AHR: variants seen among roughly 807,000 people sequenced by gnomAD.
AHR encodes the protein AH-receptor.
Under a neutral mutation model 86.8 loss-of-function variants are expected in AHR, and 40 were observed. The ratio of observed to expected loss-of-function variants is 0.46; its 90% CI spans 0.36 to 0.60. The LOEUF (loss-of-function observed/expected upper bound fraction) is 0.60, where lower values mean the gene tolerates loss of function less well. Ranked by LOEUF, AHR falls within the 20% of genes least tolerant of loss-of-function variation. The pLI is 0.00. For synonymous variants in AHR, 398 were observed against 354.9 expected (o/e 1.12, Z -1.37); for missense variants, 1,001 against 1,011.6 (o/e 0.99, Z 0.14).
chr7:17,317,242 GT>G (rs1335571556), intron 2 of AHR, among the ~76,000 whole-genome samples: 1 of 148,176 alleles, frequency 6.7e-6, no homozygotes, highest in Non-Finnish European at 1.5e-5. Flanking sequence ...TTAATAAACT[GT>G]TTTTCCCCTT....
At chr7:17,327,434 C>T (rs543300395) in intron 3 of AHR, among the ~76,000 whole-genome samples, 1 of 151,870 alleles carries the variant, frequency 6.6e-6, no homozygotes, top group East Asian at 1.9e-4. Context: ...GTGTGATAGA[C>T]TATAGTGAAT....
chr7:17,317,667 A>G (rs1782129749), intron 2 of AHR, among the ~76,000 whole-genome samples: 1 of 152,088 alleles, frequency 6.6e-6, no homozygotes, highest in Non-Finnish European at 1.5e-5. Context: ...ACCTATGCAA[A>G]CTGTAAAGCC....
intron 2 of AHR, among the ~76,000 whole-genome samples, chr7:17,318,649 T>G (rs1332655926): frequency 2.0e-5 from 3 of 152,116 alleles, no homozygotes; most frequent in Admixed American, 1.3e-4. Context: ...GGTGACCTAT[T>G]TTCAGATACT....
At chr7:17,304,036 G>A (rs142925829) in intron 1 of AHR, among the ~76,000 whole-genome samples, 11 of 152,080 alleles carry the variant, frequency 7.2e-5, no homozygotes, top group Non-Finnish European at 8.8e-5. Flanking sequence ...TGTCCTTTAC[G>A]TATTCATTTG....
chr7:17,330,821 C>T lies in AHR; in HGVS notation c.640C>T (p.Pro214Ser), dbSNP rs149809382. 1 of 1,612,446 alleles carries T rather than the reference C, an allele frequency of 6.2e-7. No individual in the cohort carries two copies. The highest frequency in any genetic ancestry group is 2.2e-5 in the East Asian group (1 of 44,844). ...AGACCAGATTCCTCCAGAAAACTCT[C>T]CTTTAATGGAGAGGTGCTTCATATG... ...NPDQIPPENS[P>S]LMERCFICRL... Residue 214 changes from proline (P) to serine (S), a missense_variant, in exon 6 of 11, where the codon CCT (proline) becomes TCT (serine). Coordinates refer to ENST00000242057, the MANE Select transcript of AHR (RefSeq NM_001621.5).
chr7:17,334,216 A>G, intron 7 of AHR, 102 bp downstream of exon 7: 1 of 998,308 alleles, frequency 1.0e-6, no homozygotes, highest in Non-Finnish European at 1.5e-6. Flanking sequence ...ATTGTTTATT[A>G]TTAGATTGGC....
chr7:17,325,617 A>G (rs572699734), intron 3 of AHR, among the ~76,000 whole-genome samples: 29 of 152,286 alleles, frequency 1.9e-4, no homozygotes, highest in Admixed American at 1.4e-3. Context: ...GCAGTCAAAA[A>G]CCTGAGAGCC....
At chr7:17,310,523 G>C (rs545948144) in intron 2 of AHR, among the ~76,000 whole-genome samples, 1 of 149,572 alleles carries the variant, frequency 6.7e-6, no homozygotes, top group Non-Finnish European at 1.5e-5. Context: ...CCAAACTTAC[G>C]TATATTTCTA....
chr7:17,301,868 C>T (rs1781957939), intron 1 of AHR, among the ~76,000 whole-genome samples: 1 of 151,858 alleles, frequency 6.6e-6, no homozygotes, highest in Non-Finnish European at 1.5e-5. Context: ...ATGTTCCTAC[C>T]TTCAAGAAGA....
chr7:17,335,573 CTT>C (rs1256728895), intron 8 of AHR, 70 bp from the exon 9 acceptor site: 7 of 1,315,226 alleles, frequency 5.3e-6, no homozygotes, highest in Non-Finnish European at 6.1e-6. Flanking sequence ...GTCACAAGAG[CTT>C]TGTTTTAGGA....
At chr7:17,305,813 A>G (rs910013545) in intron 1 of AHR, among the ~76,000 whole-genome samples, 1 of 152,164 alleles carries the variant, frequency 6.6e-6, no homozygotes, top group African/African-American at 2.4e-5. Flanking sequence ...TGCTTCAAAC[A>G]CTGGCTACAA....
intron 2 of AHR, among the ~76,000 whole-genome samples, chr7:17,312,363 AAG>A (rs1465486477): frequency 1.3e-5 from 2 of 152,230 alleles, no homozygotes. Context: ...ATATGTTAAA[AAG>A]AAAAAAAAAG....
Position 17,339,843 on chromosome 7 carries a change from A to G in AHR, c.2018A>G (p.Asn673Ser), listed in dbSNP as rs765874987. The change falls in exon 10 of 11, where the codon AAT becomes AGT. Residue 673 changes from asparagine to serine, a missense_variant. Around this residue, in one of 2 missense-constraint regions of AHR, gnomAD observed 607 missense variants for 543.1 expected, o/e 1.12. Transcript: ENST00000242057. ...NCPQQDPQQY[N>S]VFTDLHGISQ... is the part of the protein sequence containing the mutation. ...CCACAGCAAGACCCACAACAATATA[A>G]TGTCTTTACAGACTTACATGGGATC... 2.5e-6 allele frequency: 4 copies of G among 1,614,218 alleles called. No individual in the cohort carries two copies. In the Admixed American group the frequency reaches 6.7e-5, roughly 27 times the overall value.
chr7:17,305,789 A>G (rs937121974), intron 1 of AHR, among the ~76,000 whole-genome samples: 1 of 152,218 alleles, frequency 6.6e-6, no homozygotes, highest in Non-Finnish European at 1.5e-5. Context: ...AAACTTGGTT[A>G]ATTTTTTCAG....
At chr7:17,308,114 C>T (rs1782024361) in intron 1 of AHR, among the ~76,000 whole-genome samples, 1 of 152,172 alleles carries the variant, frequency 6.6e-6, no homozygotes, top group Admixed American at 6.6e-5. Context: ...TCCATGACAA[C>T]AGGAGCTTTT....
Position 17,309,988 on chromosome 7 carries a change from A to G in AHR, c.118A>G (p.Arg40Gly). 6.2e-7 allele frequency: 1 copy of G among 1,611,674 alleles called. No homozygotes were observed. The highest frequency in any genetic ancestry group is 8.5e-7 in the Non-Finnish European group (1 of 1,178,286). Residue 40 changes from arginine to glycine, a missense_variant, in exon 2 of 11, where the codon AGA becomes GGA. Coordinates refer to ENST00000242057, the MANE Select transcript of AHR (RefSeq NM_001621.5). ...GIKSNPSKRH[R>G]DRLNTELDRL... ...CAAGTCAAATCCTTCCAAGCGGCAT[A>G]GAGACCGACTTAATACAGAGTTGGA... is the stretch of plus-strand genomic sequence containing the variant.
Position 17,335,910 on chromosome 7 carries a change from TAGAA to T in AHR, c.1160+129_1160+132del, listed in dbSNP as rs961277112. 11 of 1,011,530 alleles carry T rather than the reference TAGAA, an allele frequency of 1.1e-5. No individual in the cohort carries two copies. In the African/African-American group the frequency reaches 1.6e-4, roughly 15 times the overall value. 62.7% of individuals were successfully genotyped at this position (1,011,530 alleles called of 1,614,324 possible). ...TAAAAATTGAAAAGTTTAATTCATC[TAGAA>T]AGAAGAGCACAGGTGAGAGACATTG... On this transcript the variant is annotated intron_variant, in intron 9 of 10. Coordinates refer to ENST00000242057, the MANE Select transcript of AHR (RefSeq NM_001621.5).
rs557741718 is a variant in AHR at position 17,325,572 on chromosome 7, C to T, written c.361-2187C>T. 1.1e-3 allele frequency among the ~76,000 whole-genome samples: 166 copies of T among 152,224 alleles called. 3 individuals are homozygous for T. The highest frequency in any genetic ancestry group is 3.7e-3 in the African/African-American group (154 of 41,532). ...TATGGGTAGAATCACCATTGTTTATCCTAAGAGAATTGCCAGGTATTACAT... is the reference window on the plus strand; with the variant it reads ...TATGGGTAGAATCACCATTGTTTATTCTAAGAGAATTGCCAGGTATTACAT... On this transcript the variant is annotated intron_variant, in intron 3 of 10. Coordinates refer to ENST00000242057, the MANE Select transcript of AHR (RefSeq NM_001621.5).
chr7:17,299,166 A>T lies in AHR; in HGVS notation c.-99A>T. On this transcript the variant is annotated 5_prime_UTR_variant, in exon 1 of 11. Transcript: ENST00000242057. The stretch of plus-strand genomic sequence containing the variant: ...AGGTGGAGCGGGCGCGGCTTCGCGG[A>T]ACCCGGCGCCGGCCGCCGCAGTGGT... 1 of 1,353,640 alleles carries T rather than the reference A, an allele frequency of 7.4e-7. No individual in the cohort carries two copies. Among genetic ancestry groups the T allele is most frequent in the Non-Finnish European group, 9.8e-7 (1 of 1,023,220 alleles). The allele number at this position is 1,353,640 out of a possible 1,614,324, so 83.9% of individuals were successfully genotyped here.
Sources: gnomAD v4.1 joint callset for allele counts (sites outside exome capture counted in the v4.1 genomes callset) on GRCh38, gnomAD v4.1.1 for gene constraint, gnomAD v4.1.1 regional missense constraint, MANE v1.5 for transcripts, NCBI Gene and HGNC (gene_info 2026-07-23, HGNC 2026-07-21) for gene names.